Variants in ARHGAP10 observed in about 807,000 individuals in gnomAD.
ARHGAP10 encodes the protein rho GTPase-activating protein 10.
Under a neutral mutation model 108.6 loss-of-function variants are expected in ARHGAP10, and 87 were observed. The observed-to-expected ratio is 0.80, with a 90% CI of 0.67 to 0.96. The LOEUF (loss-of-function observed/expected upper bound fraction) is 0.96, where lower values mean the gene tolerates loss of function less well. Among genes scored for constraint, ARHGAP10 ranks in the 40% least tolerant of loss-of-function variants. The pLI is 0.00. For synonymous variants in ARHGAP10, 347 were observed against 341.1 expected (o/e 1.02, Z -0.19); for missense variants, 939 against 954.5 (o/e 0.98, Z 0.21).
intron 1 of ARHGAP10, among the ~76,000 whole-genome samples, chr4:147,784,790 T>TA (rs1730786886): frequency 5.9e-5 from 2 of 33,850 alleles, no homozygotes; most frequent in African/African-American, 1.1e-4. Context: ...TATTATAAAA[T>TA]ATATATTATA....
intron 1 of ARHGAP10, among the ~76,000 whole-genome samples, chr4:147,769,805 T>C (rs1199533491): frequency 1.3e-5 from 2 of 152,186 alleles, no homozygotes; most frequent in African/African-American, 2.4e-5. Flanking sequence ...TTTTCTCCTG[T>C]ACCCTGGTTT....
At chr4:147,979,459 T>C (rs919970852) in intron 18 of ARHGAP10, among the ~76,000 whole-genome samples, 2 of 152,146 alleles carry the variant, frequency 1.3e-5, no homozygotes, top group East Asian at 3.8e-4. Flanking sequence ...TGTAGCCTTG[T>C]AGTATTGTTT....
At chr4:147,965,377 A>T (rs1292228850) in intron 17 of ARHGAP10, among the ~76,000 whole-genome samples, 5 of 152,196 alleles carry the variant, frequency 3.3e-5, no homozygotes, top group African/African-American at 1.2e-4. Flanking sequence ...ATTATACATT[A>T]CCCTATACAC....
intron 18 of ARHGAP10, among the ~76,000 whole-genome samples, chr4:147,981,036 A>G (rs1014431060): frequency 2.0e-5 from 3 of 151,994 alleles, no homozygotes; most frequent in African/African-American, 7.2e-5. Flanking sequence ...ATTGATCTTT[A>G]GTATGGTATT....
At chr4:147,880,780 A>G (rs1242805910) in intron 9 of ARHGAP10, among the ~76,000 whole-genome samples, 1 of 152,210 alleles carries the variant, frequency 6.6e-6, no homozygotes, top group African/African-American at 2.4e-5. Context: ...CTAGCTTTAG[A>G]TTATGAAAAT....
chr4:147,989,535 G>GC (rs1740185018), intron 18 of ARHGAP10, among the ~76,000 whole-genome samples: 1 of 152,128 alleles, frequency 6.6e-6, no homozygotes, highest in South Asian at 2.1e-4. Context: ...CCCTAGGTGC[G>GC]CATTCCCTTT....
chr4:147,764,943 T>C (rs928859895), intron 1 of ARHGAP10, among the ~76,000 whole-genome samples: 1 of 152,196 alleles, frequency 6.6e-6, no homozygotes, highest in Non-Finnish European at 1.5e-5. Context: ...TTTTGGGCCA[T>C]GGAACCCTTT....
At position 148,064,488 on chromosome 4, in the gene ARHGAP10, AG is replaced by A; in HGVS notation, c.2255del (p.Gly752GlufsTer16). 1 of 1,614,204 alleles carries A rather than the reference AG, an allele frequency of 6.2e-7. No homozygotes were observed. The highest frequency in any genetic ancestry group is 8.5e-7 in the Non-Finnish European group (1 of 1,180,016). On this transcript the variant is annotated frameshift_variant, in exon 22 of 23. Transcript: ENST00000336498. LOFTEE classifies it high-confidence loss of function. ...ACAGCTCGGAATTATCTTTTGAAAT[AG>A]GAGCAATTTTTGAGGATGGTAAGTG... ...EHSSELSFEI[G>X]AIFEDVQTSR...
chr4:148,020,289 GT>G (rs987515524), intron 18 of ARHGAP10, among the ~76,000 whole-genome samples: 26 of 151,918 alleles, frequency 1.7e-4, no homozygotes, highest in African/African-American at 6.3e-4. Context: ...TTTTTCTGGT[GT>G]TTTTTTTCCC....
chr4:148,033,296 C>T (rs887751423), intron 19 of ARHGAP10, among the ~76,000 whole-genome samples: 1 of 152,184 alleles, frequency 6.6e-6, no homozygotes, highest in African/African-American at 2.4e-5. Context: ...TCAGATGATG[C>T]AGATGTCTTA....
At chr4:147,739,359 A>G (rs899355671) in intron 1 of ARHGAP10, among the ~76,000 whole-genome samples, 1 of 152,224 alleles carries the variant, frequency 6.6e-6, no homozygotes, top group Non-Finnish European at 1.5e-5. Flanking sequence ...AGGTTCAGGC[A>G]GTCAGCAGCA....
intron 18 of ARHGAP10, among the ~76,000 whole-genome samples, chr4:148,022,874 G>A (rs1218229694): frequency 6.6e-6 from 1 of 152,164 alleles, no homozygotes; most frequent in African/African-American, 2.4e-5. Flanking sequence ...TGAGGCCAAC[G>A]TTTTGGTGTA....
intron 3 of ARHGAP10, among the ~76,000 whole-genome samples, chr4:147,828,749 C>T (rs945948936): frequency 2.0e-5 from 3 of 152,144 alleles, no homozygotes; most frequent in Non-Finnish European, 4.4e-5. Context: ...TTTGTTCCTA[C>T]TAAAGTGAAT....
chr4:147,829,740 C>T (rs1424882133), intron 3 of ARHGAP10, among the ~76,000 whole-genome samples: 1 of 152,308 alleles, frequency 6.6e-6, no homozygotes, highest in East Asian at 1.9e-4. Flanking sequence ...AATCTAAGGA[C>T]TTTTAAAATA....
At chr4:148,031,741 A>C (rs1259364455) in intron 19 of ARHGAP10, among the ~76,000 whole-genome samples, 1 of 152,222 alleles carries the variant, frequency 6.6e-6, no homozygotes, top group African/African-American at 2.4e-5. Flanking sequence ...TTGATCCAGG[A>C]GATAAAGGAG....
chr4:148,017,680 A>AG lies in ARHGAP10; in HGVS notation c.1717-5583_1717-5582insG, dbSNP rs1741400984. ...TATATATATATATATATATATATAT[A>AG]TATGTGTGTGTATGTAAAGGAATTC... On this transcript the variant is annotated intron_variant, in intron 18 of 22. Transcript: ENST00000336498. 1.4e-3 allele frequency among the ~76,000 whole-genome samples: 203 copies of AG among 141,450 alleles called. 7 individuals are homozygous for AG. Among genetic ancestry groups the AG allele is most frequent in the African/African-American group, 4.3e-3 (157 of 36,586 alleles). The allele number at this position is 141,450 out of a possible 152,430, so 92.8% of individuals were successfully genotyped here. A position where few individuals can be genotyped will look rare whatever the true frequency, so the allele number is the denominator to read the frequency against.
chr4:148,034,922 GT>G (rs1270765561), intron 19 of ARHGAP10, among the ~76,000 whole-genome samples: 1 of 152,200 alleles, frequency 6.6e-6, no homozygotes, highest in African/African-American at 2.4e-5. Context: ...CCCCAGGACT[GT>G]GATTATGACA....
chr4:147,739,592 G>A (rs547111509), intron 1 of ARHGAP10, among the ~76,000 whole-genome samples: 19 of 152,296 alleles, frequency 1.2e-4, no homozygotes, highest in African/African-American at 3.4e-4. Context: ...GACGACCAGA[G>A]ACATCCCTAA....
chr4:147,732,700 G>A (rs902376234), intron 1 of ARHGAP10, among the ~76,000 whole-genome samples: 3 of 151,836 alleles, frequency 2.0e-5, no homozygotes, highest in African/African-American at 7.3e-5. Flanking sequence ...AGCTGCCAGC[G>A]GGCCCCGCCT....
Sources: gnomAD v4.1 joint callset for allele counts (sites outside exome capture counted in the v4.1 genomes callset) on GRCh38, gnomAD v4.1.1 for gene constraint, MANE v1.5 for transcripts, NCBI Gene and HGNC (gene_info 2026-07-23, HGNC 2026-07-21) for gene names.